EXOC6: variants seen among roughly 807,000 people sequenced by gnomAD.
The protein encoded by EXOC6 is exocyst complex component 6, also known as SEC15-like 1.
Under a neutral mutation model 112.5 loss-of-function variants are expected in EXOC6, and 60 were observed. The ratio of observed to expected loss-of-function variants is 0.53; its 90% CI spans 0.43 to 0.66. The LOEUF is 0.66. Among genes scored for constraint, EXOC6 ranks in the 30% least tolerant of loss-of-function variants. The pLI is 0.00. For missense variants in EXOC6, 855 were observed against 957.1 expected, an observed-to-expected ratio of 0.89 and a Z score of 1.41; for synonymous variants, 295 against 308.0, an observed-to-expected ratio of 0.96 and a Z score of 0.44.
intron 1 of EXOC6, among the ~76,000 whole-genome samples, chr10:92,868,262 C>T (rs1019004955): frequency 6.6e-6 from 1 of 151,976 alleles, no homozygotes; most frequent in African/African-American, 2.4e-5. Flanking sequence ...TGAGGAGTGG[C>T]TCTTTATCTT....
At chr10:92,859,889 A>G (rs1847824525) in intron 1 of EXOC6, among the ~76,000 whole-genome samples, 1 of 150,270 alleles carries the variant, frequency 6.7e-6, no homozygotes, top group Admixed American at 6.7e-5. Context: ...CCCAGGCATC[A>G]ATGTTGTGTG....
At chr10:93,042,503 C>T (rs1205723251) in intron 20 of EXOC6, among the ~76,000 whole-genome samples, 1 of 152,184 alleles carries the variant, frequency 6.6e-6, no homozygotes, top group Non-Finnish European at 1.5e-5. Context: ...CATGTGAACA[C>T]AATCTCTTTT....
At chr10:92,831,040 G>A (rs1340885949), upstream of EXOC6, among the ~76,000 whole-genome samples, 1 of 152,172 alleles carries the variant, frequency 6.6e-6, no homozygotes, top group African/African-American at 2.4e-5. Context: ...TAATCTGTGC[G>A]AACTTCCGGC....
intron 20 of EXOC6, among the ~76,000 whole-genome samples, chr10:93,028,446 A>C (rs574657779): frequency 2.6e-5 from 4 of 152,314 alleles, no homozygotes; most frequent in African/African-American, 9.6e-5. Context: ...TCTCATGATA[A>C]AATTTGAATG....
intron 4 of EXOC6, 22 bp from the exon 5 acceptor site, chr10:92,899,577 A>G: frequency 1.3e-6 from 2 of 1,538,430 alleles, no homozygotes; most frequent in Non-Finnish European, 1.8e-6. Context: ...TGAAAGCTAA[A>G]ATGTTATATT....
Position 92,983,500 on chromosome 10 carries a change from C to CT in EXOC6, c.1953+9286dup, listed in dbSNP as rs11349490. ...CTCTTCTATTTCTTTCTTTCTTCTT[C>CT]TTTTTTTTTTTTTTTTTTGAGACAG... On this transcript the variant is annotated intron_variant, in intron 18 of 21. Coordinates refer to ENST00000260762, the MANE Select transcript of EXOC6 (RefSeq NM_019053.6). Among the ~76,000 whole-genome samples, 697 of 109,374 alleles carry CT rather than the reference C, an allele frequency of 6.4e-3. 1 individual carries two copies. The highest frequency in any genetic ancestry group is 9.1e-3 in the Middle Eastern group (2 of 220). 71.8% of individuals were successfully genotyped at this position (109,374 alleles called of 152,430 possible).
intron 17 of EXOC6, among the ~76,000 whole-genome samples, chr10:92,959,141 G>A (rs1853851552): frequency 6.6e-6 from 1 of 151,976 alleles, no homozygotes; most frequent in African/African-American, 2.4e-5. Context: ...TGTGGTATTG[G>A]ACAAACAACA....
chr10:92,988,232 T>G (rs1266563611), intron 18 of EXOC6, among the ~76,000 whole-genome samples: 2 of 152,182 alleles, frequency 1.3e-5, no homozygotes. Context: ...AGCTCTTACC[T>G]TTTTTACGGC....
At chr10:93,034,611 A>G (rs1845427277) in intron 20 of EXOC6, among the ~76,000 whole-genome samples, 1 of 152,216 alleles carries the variant, frequency 6.6e-6, no homozygotes, top group African/African-American at 2.4e-5. Context: ...AATTCTTGCC[A>G]TAGAGACTGG....
At position 92,921,638 on chromosome 10, in the gene EXOC6, TTTTC is replaced by T. The variant is rs952758796; in HGVS notation, c.888+1600_888+1603del. 7.9e-5 allele frequency among the ~76,000 whole-genome samples: 12 copies of T among 151,628 alleles called. No individual in the cohort carries two copies. The South Asian group carries it at 1.5e-3, about 18-fold the overall frequency. ...TAATACCCTTTTCTTTGTGCTATTGTTTTCTTTCTTTCTTTTTTTTTTTTTTTGA... is the reference window on the plus strand; with the variant it reads ...TAATACCCTTTTCTTTGTGCTATTGTTTTCTTTCTTTTTTTTTTTTTTTGA... On this transcript the variant is annotated intron_variant, in intron 8 of 21. Coordinates refer to ENST00000260762, the MANE Select transcript of EXOC6 (RefSeq NM_019053.6).
intron 1 of EXOC6, among the ~76,000 whole-genome samples, chr10:92,879,626 A>G (rs904529942): frequency 2.0e-5 from 3 of 152,194 alleles, no homozygotes; most frequent in Admixed American, 2.0e-4. Flanking sequence ...CAAGTAAAAT[A>G]TGTTTTTGTT....
At chr10:92,870,635 T>G (rs1163657734) in intron 1 of EXOC6, among the ~76,000 whole-genome samples, 1 of 152,188 alleles carries the variant, frequency 6.6e-6, no homozygotes, top group Non-Finnish European at 1.5e-5. Flanking sequence ...GATCTTTGGA[T>G]CAATGTTACA....
At position 92,954,599 on chromosome 10, in the gene EXOC6, T is replaced by A; in HGVS notation, c.1527-31T>A. 1.9e-6 allele frequency: 2 copies of A among 1,067,712 alleles called. 1 individual carries two copies. Among genetic ancestry groups the A allele is most frequent in the South Asian group, 2.8e-5 (2 of 71,934 alleles). 66.1% of individuals were successfully genotyped at this position (1,067,712 alleles called of 1,614,324 possible). Reference sequence around the variant, plus strand: ...TTAACTAACCACATTCATTATTTATTAAGTTTAATAATATCAATCTTTGTT... The same window carrying A: ...TTAACTAACCACATTCATTATTTATAAAGTTTAATAATATCAATCTTTGTT... On this transcript the variant is annotated intron_variant, in intron 15 of 21. Transcript: ENST00000260762.
At chr10:93,000,668 C>T (rs573237801) in intron 19 of EXOC6, among the ~76,000 whole-genome samples, 12 of 152,290 alleles carry the variant, frequency 7.9e-5, no homozygotes, top group Admixed American at 6.5e-4. Flanking sequence ...GTTGGCTCTA[C>T]TTCTTAATAC....
intron 5 of EXOC6, among the ~76,000 whole-genome samples, chr10:92,907,366 G>C (rs1471671315): frequency 1.3e-5 from 2 of 152,078 alleles, no homozygotes; most frequent in Non-Finnish European, 2.9e-5. Flanking sequence ...TCAACCCCCT[G>C]ACCTTAACTC....
At chr10:92,910,060 G>T (rs1180623726) in intron 6 of EXOC6, among the ~76,000 whole-genome samples, 1 of 152,098 alleles carries the variant, frequency 6.6e-6, no homozygotes, top group African/African-American at 2.4e-5. Flanking sequence ...AATAATAAAC[G>T]GACAAACAAT....
chr10:92,999,582 A>G (rs956258468), intron 19 of EXOC6, among the ~76,000 whole-genome samples: 9 of 152,160 alleles, frequency 5.9e-5, no homozygotes, highest in African/African-American at 1.9e-4. Context: ...TACCTGCTGT[A>G]TAGTACATTA....
intron 19 of EXOC6, among the ~76,000 whole-genome samples, chr10:93,011,939 G>A (rs931740015): frequency 3.9e-5 from 6 of 152,206 alleles, no homozygotes; most frequent in African/African-American, 1.2e-4. Flanking sequence ...ATACTGAAAA[G>A]TGTGGCTAGA....
chr10:92,983,652 G>A (rs867516038), intron 18 of EXOC6, among the ~76,000 whole-genome samples: 1 of 151,680 alleles, frequency 6.6e-6, no homozygotes, highest in Non-Finnish European at 1.5e-5. Flanking sequence ...AATTACAGGC[G>A]TGCGCCACCA....
Sources: allele counts gnomAD v4.1 joint callset (sites outside exome capture counted in the v4.1 genomes callset), GRCh38; gene constraint gnomAD v4.1.1; transcripts MANE v1.5; gene names NCBI Gene and HGNC (gene_info 2026-07-23, HGNC 2026-07-21).